The following MBTPS2 variants were observed in gnomAD, a reference collection of about 807,000 sequenced individuals.
MBTPS2 encodes the protein membrane-bound transcription factor site-2 protease.
MBTPS2 carries 2 observed loss-of-function variants against 35.4 expected under a neutral mutation model. The ratio of observed to expected loss-of-function variants is 0.06; its 90% CI spans 0.02 to 0.18. The LOEUF (loss-of-function observed/expected upper bound fraction) is 0.18, where lower values mean the gene tolerates loss of function less well. Among genes scored for constraint, MBTPS2 ranks in the 10% least tolerant of loss-of-function variants. MBTPS2 has a pLI of 1.00. For synonymous variants in MBTPS2, 125 were observed against 140.4 expected, an observed-to-expected ratio of 0.89 and a Z score of 0.77; for missense variants, 244 against 386.5, an observed-to-expected ratio of 0.63 and a Z score of 3.09.
chrX:21,863,542 CAG>C (rs2092935814), intron 5 of MBTPS2, among the ~76,000 whole-genome samples: 1 of 110,633 alleles, frequency 9.0e-6, no homozygotes, highest in Admixed American at 9.7e-5. Flanking sequence ...TTTTTATAGT[CAG>C]TGTGTATTTT....
intron 5 of MBTPS2, among the ~76,000 whole-genome samples, chrX:21,862,931 A>AT (rs1569325758): frequency 8.7e-4 from 12 of 13,805 alleles, no homozygotes; most frequent in Admixed American, 3.0e-3. Flanking sequence ...TATATATATA[A>AT]ACATATATAT....
intron 7 of MBTPS2, chrX:21,872,707 G>A (rs2092948662): frequency 9.2e-6 from 1 of 108,847 alleles, no homozygotes; most frequent in African/African-American, 3.3e-5. Context: ...TACATACTAT[G>A]GCTGGTCCAA....
intron 5 of MBTPS2, chrX:21,856,690 C>T: frequency 8.3e-7 from 1 of 1,211,615 alleles, no homozygotes; most frequent in Non-Finnish European, 1.1e-6. Context: ...TTCACGAACA[C>T]GGGCTATGGC....
intron 1 of MBTPS2, among the ~76,000 whole-genome samples, chrX:21,842,525 C>T (rs1392834598): frequency 9.1e-6 from 1 of 109,535 alleles, no homozygotes; most frequent in East Asian, 2.9e-4. Flanking sequence ...AGCCTTTAGT[C>T]AGAGCTAGTC....
At chrX:21,855,104 C>T (rs927550568) in intron 5 of MBTPS2, among the ~76,000 whole-genome samples, 9 of 109,615 alleles carry the variant, frequency 8.2e-5, no homozygotes, top group African/African-American at 1.7e-4. Flanking sequence ...GAAATGATGA[C>T]GTAATTAGTA....
intron 1 of MBTPS2, among the ~76,000 whole-genome samples, chrX:21,841,376 C>A (rs897558085): frequency 9.0e-6 from 1 of 110,711 alleles, no homozygotes; most frequent in African/African-American, 3.3e-5. Flanking sequence ...GAAACAAGAT[C>A]GTGCCACTGC....
At chrX:21,877,347 CAGG>C (rs1227033127) in intron 7 of MBTPS2, among the ~76,000 whole-genome samples, 2 of 111,679 alleles carry the variant, frequency 1.8e-5, no homozygotes, top group Non-Finnish European at 3.8e-5. Flanking sequence ...GAGGCTGAGG[CAGG>C]AGAATTGCTT....
intron 7 of MBTPS2, among the ~76,000 whole-genome samples, chrX:21,873,485 A>G (rs1028450400): frequency 8.9e-6 from 1 of 112,029 alleles, no homozygotes; most frequent in Non-Finnish European, 1.9e-5. Context: ...TCCTTATTTC[A>G]TATATGCATA....
chrX:21,884,602 T>C lies in MBTPS2; in HGVS notation c.*1947T>C. ...AACCACTTTACTAGGAAAGAGCAGA[T>C]CAGTACCATTTGTATAAAACCGGCC... On this transcript the variant is annotated 3_prime_UTR_variant, in exon 11 of 11. Transcript: ENST00000379484. The C allele has an allele frequency of 2.7e-6, 2 of 754,172 alleles. No individual in the cohort carries two copies. Among genetic ancestry groups the C allele is most frequent in the Non-Finnish European group, 3.1e-6 (2 of 639,221 alleles). 62.2% of individuals were successfully genotyped at this position (754,172 alleles called of 1,213,427 possible). A position where few individuals can be genotyped will look rare whatever the true frequency, so the allele number is the denominator to read the frequency against.
At chrX:21,879,001 T>C (rs1260252015) in intron 9 of MBTPS2, among the ~76,000 whole-genome samples, 2 of 111,119 alleles carry the variant, frequency 1.8e-5, no homozygotes, top group Non-Finnish European at 3.8e-5. Context: ...ATTAAATTTA[T>C]ACAAGCTCCC....
At chrX:21,856,828 A>C (rs772601524) in intron 5 of MBTPS2, 1 of 1,211,731 alleles carries the variant, frequency 8.3e-7, no homozygotes, top group South Asian at 1.8e-5. Context: ...GAAGACGAGC[A>C]CTTCCAGATG....
intron 3 of MBTPS2, among the ~76,000 whole-genome samples, chrX:21,846,533 G>A (rs1201180711): frequency 9.0e-6 from 1 of 111,446 alleles, no homozygotes; most frequent in Non-Finnish European, 1.9e-5. Flanking sequence ...ACCACGCCTG[G>A]CTAATTTTGT....
At chrX:21,842,520 T>C (rs1041849196) in intron 1 of MBTPS2, among the ~76,000 whole-genome samples, 1 of 110,189 alleles carries the variant, frequency 9.1e-6, no homozygotes, top group African/African-American at 3.3e-5. Context: ...TATTGAGCCT[T>C]TAGTCAGAGC....
chrX:21,880,212 C>T (rs780423776), intron 9 of MBTPS2, among the ~76,000 whole-genome samples: 29 of 110,060 alleles, frequency 2.6e-4, no homozygotes, highest in Non-Finnish European at 1.3e-4. Context: ...GCCTTGGTCT[C>T]CCAAAGTGCT....
Position 21,856,165 on chromosome X carries a change from G to A in MBTPS2, c.670+2662G>A, listed in dbSNP as rs951405216. ...TGGGCGGGGTCGCAGGGTGGCAAAC[G>A]TACGCGGGCACGTGCACGTGCTTTT... On this transcript the variant is annotated intron_variant, in intron 5 of 10. Coordinates refer to ENST00000379484, the MANE Select transcript of MBTPS2 (RefSeq NM_015884.4). 3.7e-5 allele frequency: 10 copies of A among 267,656 alleles called. No individual in the cohort carries two copies. The East Asian group carries it at 4.2e-4, about 11-fold the overall frequency. The allele number at this position is 267,656 out of a possible 1,213,427, so 22.1% of individuals were successfully genotyped here.
At chrX:21,877,576 C>T (rs2092954536) in intron 7 of MBTPS2, among the ~76,000 whole-genome samples, 1 of 111,705 alleles carries the variant, frequency 9.0e-6, no homozygotes, top group African/African-American at 3.3e-5. Flanking sequence ...GGGGGAGCCC[C>T]AAAGTAAGCC....
intron 2 of MBTPS2, among the ~76,000 whole-genome samples, chrX:21,844,574 A>G: frequency 8.9e-6 from 1 of 112,549 alleles, no homozygotes; most frequent in East Asian, 2.8e-4. Context: ...CATTAAAAAC[A>G]TAGTAAGACT....
intron 7 of MBTPS2, among the ~76,000 whole-genome samples, chrX:21,874,017 ATAC>A (rs1417332983): frequency 1.1e-5 from 1 of 87,239 alleles, no homozygotes; most frequent in Admixed American, 1.4e-4. Context: ...ATATATATAT[ATAC>A]TTTTTTTTTT....
chrX:21,849,753 G>A (rs1185215409), intron 3 of MBTPS2, among the ~76,000 whole-genome samples: 3 of 107,589 alleles, frequency 2.8e-5, no homozygotes, highest in Non-Finnish European at 5.8e-5. Context: ...CCGGCCGGGC[G>A]CAGTGGCTCA....
Sources: allele counts gnomAD v4.1 joint callset (sites outside exome capture counted in the v4.1 genomes callset), GRCh38; gene constraint gnomAD v4.1.1; transcripts MANE v1.5; gene names NCBI Gene and HGNC (gene_info 2026-07-23, HGNC 2026-07-21).